Variants in NAA16 observed in about 807,000 individuals in gnomAD.
NAA16 encodes the protein N-alpha-acetyltransferase 16, NatA auxiliary subunit, also known as NARG1-like protein.
NAA16 carries 97 observed loss-of-function variants against 110.3 expected under a neutral mutation model. That is an observed-to-expected ratio of 0.88 (90% CI 0.75 to 1.04). The LOEUF (loss-of-function observed/expected upper bound fraction) is 1.04. Ranked by LOEUF, NAA16 falls within the 50% of genes least tolerant of loss-of-function variation. The probability of loss-of-function intolerance (pLI) is 0.00; values close to 1 mark genes in which losing one functional copy is unlikely to be tolerated. For synonymous variants in NAA16, 372 were observed against 330.6 expected (o/e 1.13, Z -1.36); for missense variants, 1,017 against 1,005.1 (o/e 1.01, Z -0.16).
In NAA16 at chr13:41,324,377, T is replaced by C. The variant is rs1056794448; in HGVS notation, c.537+1187T>C. On this transcript the variant is annotated intron_variant, in intron 5 of 19. Transcript: ENST00000379406. ...TTTCTTTCTTTCTTTTTTTTTTTTT[T>C]TTTTTTTTTTTTTTTTGAGACAGAG... 3.8e-3 allele frequency among the ~76,000 whole-genome samples: 504 copies of C among 133,046 alleles called. 4 individuals carry two copies. The highest frequency in any genetic ancestry group is 0.013 in the African/African-American group (464 of 35,324). 87.3% of individuals were successfully genotyped at this position (133,046 alleles called of 152,430 possible).
intron 12 of NAA16, among the ~76,000 whole-genome samples, 154 bp from the exon 13 acceptor site, chr13:41,361,877 T>C (rs999318327): frequency 1.3e-5 from 2 of 152,244 alleles, no homozygotes; most frequent in African/African-American, 2.4e-5. Flanking sequence ...GGAGAGACTA[T>C]TGTAGTATAA....
chr13:41,331,912 T>C (rs572189410), intron 8 of NAA16, among the ~76,000 whole-genome samples: 8 of 152,180 alleles, frequency 5.3e-5, no homozygotes, highest in Non-Finnish European at 7.4e-5. Flanking sequence ...TGCCTAAATA[T>C]ATATAAATAA....
At chr13:41,347,732 A>G (rs941513143) in intron 9 of NAA16, among the ~76,000 whole-genome samples, 1 of 152,200 alleles carries the variant, frequency 6.6e-6, no homozygotes, top group African/African-American at 2.4e-5. Flanking sequence ...ATTCGTTGCT[A>G]TAGATGTTTT....
chr13:41,354,368 C>T (rs1593499004), intron 9 of NAA16, among the ~76,000 whole-genome samples: 2 of 152,228 alleles, frequency 1.3e-5, no homozygotes, highest in African/African-American at 4.8e-5. Context: ...GAAGAGGTTT[C>T]TTTTGTAGCC....
At chr13:41,372,596 A>C (rs2099127048) in intron 16 of NAA16, 136 bp from the exon 17 acceptor site, 1 of 1,329,038 alleles carries the variant, frequency 7.5e-7, no homozygotes, top group Non-Finnish European at 9.6e-7. Context: ...TGATAGCCAG[A>C]GTCAACTTTA....
At chr13:41,349,316 G>A (rs753240774) in intron 9 of NAA16, among the ~76,000 whole-genome samples, 1 of 151,922 alleles carries the variant, frequency 6.6e-6, no homozygotes, top group Non-Finnish European at 1.5e-5. Context: ...CTCCCAAGTA[G>A]CTGGGACTAC....
In NAA16 at chr13:41,358,862, T is replaced by C; in HGVS notation, c.1310T>C (p.Leu437Ser). Residue 437 changes from leucine to serine, a missense_variant, in exon 12 of 20, where the codon TTG becomes TCG. Transcript: ENST00000379406. Reference sequence around the variant, plus strand: ...AAGTGGATGGATGAAGCACAGTCTTTGGACACAGCTGATAGATTCATCAAT... The same window carrying C: ...AAGTGGATGGATGAAGCACAGTCTTCGGACACAGCTGATAGATTCATCAAT... ...AAKWMDEAQS[L>S]DTADRFINSK... 1 of 1,612,424 alleles carries C rather than the reference T, an allele frequency of 6.2e-7. No homozygotes were observed. The highest frequency in any genetic ancestry group is 8.5e-7 in the Non-Finnish European group (1 of 1,178,844).
intron 13 of NAA16, chr13:41,362,833 C>A: frequency 1.6e-6 from 2 of 1,289,114 alleles, no homozygotes; most frequent in Non-Finnish European, 2.0e-6. Context: ...CACCACTGTT[C>A]CCATCCTGAC....
chr13:41,324,363 CTTTTTTTTTTTTTTTTTT>C (rs71086562), intron 5 of NAA16, among the ~76,000 whole-genome samples: 20 of 66,060 alleles, frequency 3.0e-4, no homozygotes, highest in African/African-American at 3.7e-4. Flanking sequence ...TTCTTTCTTT[CTTTTTTTTTTTTTTTTTT>C]TTTTTTTTTT....
Position 41,376,776 on chromosome 13 carries a change from GGATAGCTTTTTGTTCT to G in NAA16, c.*1175_*1190del, listed in dbSNP as rs981461713. The G allele has an allele frequency of 6.6e-6, 1 of 152,116 alleles. No homozygotes were observed. Among genetic ancestry groups the G allele is most frequent in the African/African-American group, 2.4e-5 (1 of 41,432 alleles). 9.4% of individuals were successfully genotyped at this position (152,116 alleles called of 1,614,324 possible). ...TAAACAGTATTTTTTGGGGGCGGGT[GGATAGCTTTTTGTTCT>G]ATCTTGTACAGAAAACAGTAATGGA... On this transcript the variant is annotated 3_prime_UTR_variant, in exon 20 of 20. Transcript: ENST00000379406.
chr13:41,317,081 G>A (rs2041829376), intron 2 of NAA16, 151 bp downstream of exon 2: 1 of 601,310 alleles, frequency 1.7e-6, no homozygotes, highest in Non-Finnish European at 3.0e-6. Context: ...CTTTATATGA[G>A]TCTTCTAGAT....
intron 14 of NAA16, among the ~76,000 whole-genome samples, chr13:41,367,909 A>G (rs1207368050): frequency 6.6e-6 from 1 of 152,156 alleles, no homozygotes; most frequent in Non-Finnish European, 1.5e-5. Flanking sequence ...AGAAAGACCA[A>G]TTTAAGAACT....
At chr13:41,341,552 C>CA (rs2139444340) in intron 9 of NAA16, among the ~76,000 whole-genome samples, 1 of 151,958 alleles carries the variant, frequency 6.6e-6, no homozygotes, top group Admixed American at 6.5e-5. Flanking sequence ...TCCGTCTCTA[C>CA]AAAAAATGAA....
intron 17 of NAA16, 113 bp from the exon 18 acceptor site, chr13:41,373,524 C>T (rs1244667935): frequency 8.6e-6 from 11 of 1,276,172 alleles, no homozygotes; most frequent in East Asian, 3.2e-5. Context: ...TCCCAAAGTG[C>T]TGGGATTACA....
At chr13:41,349,960 CAAAA>C (rs71086565) in intron 9 of NAA16, among the ~76,000 whole-genome samples, 1 of 126,748 alleles carries the variant, frequency 7.9e-6, no homozygotes. Flanking sequence ...GACTCCGTCT[CAAAA>C]AAAAAAAAAA....
At chr13:41,339,220 A>G (rs1468814700) in intron 9 of NAA16, among the ~76,000 whole-genome samples, 1 of 152,052 alleles carries the variant, frequency 6.6e-6, no homozygotes, top group Non-Finnish European at 1.5e-5. Flanking sequence ...GCCTCACCGA[A>G]ACCTCTGCCT....
chr13:41,359,627 C>T (rs936070627), intron 12 of NAA16, among the ~76,000 whole-genome samples: 2 of 152,156 alleles, frequency 1.3e-5, no homozygotes, highest in African/African-American at 4.8e-5. Flanking sequence ...CAATTAGTTA[C>T]TCCTGTTGGG....
At chr13:41,362,894 G>T in intron 13 of NAA16, 2 of 1,181,380 alleles carry the variant, frequency 1.7e-6, no homozygotes, top group Non-Finnish European at 2.1e-6. Flanking sequence ...TGTCTGCACC[G>T]TGGCAGTCAC....
chr13:41,373,284 G>A (rs1270210246), intron 17 of NAA16: 1 of 680,754 alleles, frequency 1.5e-6, no homozygotes, highest in Non-Finnish European at 1.8e-6. Context: ...TTTTGAGACA[G>A]TCTTGCTCTG....
Sources: allele counts gnomAD v4.1 joint callset (sites outside exome capture counted in the v4.1 genomes callset), GRCh38; gene constraint gnomAD v4.1.1; transcripts MANE v1.5; gene names NCBI Gene and HGNC (gene_info 2026-07-23, HGNC 2026-07-21).